Variants in SLC35F4 observed in about 807,000 individuals in gnomAD.
The protein encoded by SLC35F4 is chromosome 14 open reading frame 36.
Under a neutral mutation model 44.2 loss-of-function variants are expected in SLC35F4, and 24 were observed. The ratio of observed to expected loss-of-function variants is 0.54; its 90% CI spans 0.39 to 0.76. SLC35F4 has a LOEUF of 0.76. Ranked by LOEUF, SLC35F4 falls within the 30% of genes least tolerant of loss-of-function variation. The pLI is 0.00. For synonymous variants in SLC35F4, 238 were observed against 223.6 expected, an observed-to-expected ratio of 1.06 and a Z score of -0.57; for missense variants, 562 against 586.1, an observed-to-expected ratio of 0.96 and a Z score of 0.42.
chr14:57,831,152 C>T (rs553944904), intron 1 of SLC35F4, among the ~76,000 whole-genome samples: 7 of 152,172 alleles, frequency 4.6e-5, no homozygotes, highest in East Asian at 3.8e-4. Context: ...AGGTGATTTT[C>T]GATTCCTCCC....
intron 1 of SLC35F4, among the ~76,000 whole-genome samples, chr14:57,978,601 G>C (rs1881285593): frequency 6.6e-6 from 1 of 152,192 alleles, no homozygotes. Flanking sequence ...CTAACCTGTA[G>C]GGTTGGAACA....
intron 1 of SLC35F4, among the ~76,000 whole-genome samples, chr14:57,606,540 C>A (rs144651175): frequency 6.6e-6 from 1 of 152,276 alleles, no homozygotes; most frequent in Non-Finnish European, 1.5e-5. Context: ...TCATTTGAAC[C>A]TTTGTTTCTT....
intron 1 of SLC35F4, among the ~76,000 whole-genome samples, chr14:57,677,307 G>A (rs1200559875): frequency 2.6e-5 from 4 of 151,664 alleles, no homozygotes; most frequent in Non-Finnish European, 5.9e-5. Flanking sequence ...TTAGGTACAG[G>A]GTAAACTACT....
intron 1 of SLC35F4, among the ~76,000 whole-genome samples, chr14:57,753,882 G>A (rs560487278): frequency 6.6e-6 from 1 of 152,096 alleles, no homozygotes; most frequent in African/African-American, 2.4e-5. Context: ...GGAGGTATCT[G>A]TACCAGTTCT....
intron 1 of SLC35F4, among the ~76,000 whole-genome samples, chr14:57,884,658 C>T (rs1377890923): frequency 1.3e-5 from 2 of 152,114 alleles, no homozygotes; most frequent in Non-Finnish European, 1.5e-5. Context: ...TTTATCTTTG[C>T]AAACCAGAAA....
At chr14:57,752,501 G>A (rs1168601659) in intron 1 of SLC35F4, among the ~76,000 whole-genome samples, 3 of 150,236 alleles carry the variant, frequency 2.0e-5, no homozygotes, top group Non-Finnish European at 4.4e-5. Flanking sequence ...TTGCTCTGTC[G>A]CCAGGCCGGA....
rs238388 is a variant in SLC35F4, at chr14:57,581,735, C to A, written c.588-302G>T. Among the ~76,000 whole-genome samples the A allele has an allele frequency of 0.62, 93,869 of 151,702 alleles. 29,532 individuals carry two copies. The highest frequency in any genetic ancestry group is 0.87 in the East Asian group (4,491 of 5,134). ...TTCTCAGAAGAGCCTGCAGAAATACCGAAATTGGTAGTTGCTGAAATCACT... is the reference window on the plus strand; with the variant it reads ...TTCTCAGAAGAGCCTGCAGAAATACAGAAATTGGTAGTTGCTGAAATCACT... On this transcript the variant is annotated intron_variant, in intron 3 of 7. Coordinates refer to ENST00000556826, the MANE Select transcript of SLC35F4 (RefSeq NM_001306087.2).
intron 1 of SLC35F4, among the ~76,000 whole-genome samples, chr14:57,724,095 C>T (rs1447853235): frequency 6.6e-6 from 1 of 152,188 alleles, no homozygotes; most frequent in African/African-American, 2.4e-5. Flanking sequence ...CATTCCTCAT[C>T]TGGGTGTGAT....
At chr14:57,763,099 C>T (rs1406468709) in intron 1 of SLC35F4, among the ~76,000 whole-genome samples, 1 of 151,988 alleles carries the variant, frequency 6.6e-6, no homozygotes. Context: ...TTTTAGTTTC[C>T]CCAGTTCTCT....
At chr14:57,825,996 A>C (rs1311133866) in intron 1 of SLC35F4, among the ~76,000 whole-genome samples, 2 of 152,242 alleles carry the variant, frequency 1.3e-5, no homozygotes, top group African/African-American at 2.4e-5. Flanking sequence ...CATTCTTCAC[A>C]GAATTAGAAA....
intron 1 of SLC35F4, among the ~76,000 whole-genome samples, chr14:57,635,200 C>T (rs1170653111): frequency 1.3e-5 from 2 of 148,614 alleles, no homozygotes; most frequent in Non-Finnish European, 3.0e-5. Context: ...GAGTTATGAT[C>T]ATGCCATTGC....
chr14:57,596,657 G>C, intron 1 of SLC35F4: 1 of 640,414 alleles, frequency 1.6e-6, no homozygotes, highest in Non-Finnish European at 2.8e-6. Flanking sequence ...AGTTGGGATG[G>C]GATTGAGATC....
intron 1 of SLC35F4, among the ~76,000 whole-genome samples, chr14:57,901,075 G>C (rs1333254877): frequency 6.6e-6 from 1 of 152,204 alleles, no homozygotes; most frequent in Non-Finnish European, 1.5e-5. Flanking sequence ...ATTGGTGAGA[G>C]TTTAAATTAG....
chr14:57,892,695 T>C (rs531346762), intron 1 of SLC35F4, among the ~76,000 whole-genome samples: 22 of 152,300 alleles, frequency 1.4e-4, no homozygotes, highest in Middle Eastern at 3.4e-3. Context: ...ATGACTTGGA[T>C]TAGCACCTTA....
At chr14:57,964,933 T>C (rs1890407178) in intron 1 of SLC35F4, among the ~76,000 whole-genome samples, 2 of 148,952 alleles carry the variant, frequency 1.3e-5, no homozygotes, top group Admixed American at 6.7e-5. Context: ...TCCAGGTATC[T>C]CTCAAACTTG....
intron 1 of SLC35F4, among the ~76,000 whole-genome samples, chr14:57,800,717 G>A (rs965226224): frequency 1.2e-4 from 19 of 152,056 alleles, no homozygotes; most frequent in Admixed American, 9.8e-4. Flanking sequence ...ACATCACAAT[G>A]CAATCACAAG....
intron 3 of SLC35F4, among the ~76,000 whole-genome samples, chr14:57,586,973 A>AAAAGAGGGCAAAAGAGAAGAACAG (rs61106122): frequency 6.8e-6 from 1 of 147,808 alleles, no homozygotes; most frequent in Non-Finnish European, 1.5e-5. Flanking sequence ...AAAACCAACA[A>AAAAGAGGGCAAAAGAGAAGAACAG]ACACTTCTCA....
chr14:57,962,035 C>T (rs1367974747), intron 1 of SLC35F4, among the ~76,000 whole-genome samples: 3 of 152,284 alleles, frequency 2.0e-5, no homozygotes, highest in Admixed American at 6.5e-5. Flanking sequence ...ATGAATGGAT[C>T]GGCCAATAAT....
intron 1 of SLC35F4, chr14:57,631,273 T>C (rs2072756710): frequency 6.6e-6 from 1 of 152,148 alleles, no homozygotes. Flanking sequence ...ACTGAGTTTT[T>C]GACTGAAACA....
Sources: gnomAD v4.1 joint callset for allele counts (sites outside exome capture counted in the v4.1 genomes callset) on GRCh38, gnomAD v4.1.1 for gene constraint, MANE v1.5 for transcripts, NCBI Gene and HGNC (gene_info 2026-07-23, HGNC 2026-07-21) for gene names.